The following MGAM variants were observed in gnomAD, a reference collection of about 807,000 sequenced individuals.
MGAM encodes the protein alpha-1,4-glucosidase.
In MGAM, 253 loss-of-function variants were observed where a neutral mutation model predicts 358.8. The ratio of observed to expected loss-of-function variants is 0.71; its 90% confidence interval spans 0.64 to 0.78. The LOEUF (loss-of-function observed/expected upper bound fraction) is 0.78. MGAM is among the 30% of genes least tolerant of loss of function. The pLI is 0.00. For synonymous variants in MGAM, 1,105 were observed against 1,227.1 expected, an observed-to-expected ratio of 0.90 and a Z score of 2.08; for missense variants, 3,080 against 3,432.6, an observed-to-expected ratio of 0.90 and a Z score of 2.57.
At chr7:142,093,206 T>G in intron 59 of MGAM, among the ~76,000 whole-genome samples, 1 of 146,570 alleles carries the variant, frequency 6.8e-6, no homozygotes, top group East Asian at 2.0e-4. Context: ...CACCTCTGCT[T>G]TCTTCAGTGA....
intron 1 of MGAM, among the ~76,000 whole-genome samples, chr7:142,000,603 A>G (rs1426220721): frequency 6.6e-6 from 1 of 152,202 alleles, no homozygotes; most frequent in Non-Finnish European, 1.5e-5. Context: ...CTGCCGTGTG[A>G]TGATTTTAAA....
At chr7:142,062,301 G>C (rs756122022) in intron 34 of MGAM, among the ~76,000 whole-genome samples, 3 of 152,202 alleles carry the variant, frequency 2.0e-5, no homozygotes, top group Non-Finnish European at 4.4e-5. Context: ...GAGGTCACTA[G>C]TTCGGGTCAT....
At chr7:141,987,054 C>T (rs879975056) in intron 2 of MGAM, among the ~76,000 whole-genome samples, 13 of 151,986 alleles carry the variant, frequency 8.6e-5, no homozygotes, top group Non-Finnish European at 1.3e-4. Flanking sequence ...ACAATGGAGA[C>T]GAAACACGAG....
intron 3 of MGAM, among the ~76,000 whole-genome samples, chr7:142,017,505 T>A (rs17162645): frequency 6.6e-6 from 1 of 152,216 alleles, no homozygotes; most frequent in Admixed American, 6.5e-5. Context: ...TTTGCATTCC[T>A]TGCTCTTTTG....
chr7:142,027,180 G>A lies in MGAM; in HGVS notation c.1048G>A (p.Val350Met), dbSNP rs782809881. ...CATTGGGGGCATTCTCGACTTCTAT[G>A]TGTTCTTGGGAAACACTCCAGAGCA... ...RTIGGILDFY[V>M]FLGNTPEQVV... Residue 350 changes from valine (V) to methionine (M), a missense_variant, in exon 9 of 71, where the codon GTG (valine) becomes ATG (methionine). By Grantham distance (21) the Val-to-Met change is conservative. Around this residue, in one of 5 missense-constraint regions of MGAM, gnomAD observed 1,816 missense variants for 1,840.5 expected, o/e 0.99. Coordinates refer to ENST00000475668, the MANE Select transcript of MGAM (RefSeq NM_001365693.1). 7.4e-6 allele frequency: 12 copies of A among 1,613,682 alleles called. No homozygotes were observed. The highest frequency in any genetic ancestry group is 8.5e-6 in the Non-Finnish European group (10 of 1,179,674).
chr7:142,080,210 C>G (rs1268288418), intron 49 of MGAM, among the ~76,000 whole-genome samples: 7 of 146,440 alleles, frequency 4.8e-5, no homozygotes, highest in African/African-American at 1.7e-4. Context: ...CTACATAGCT[C>G]TCCCTTAGCA....
At chr7:142,010,066 T>G (rs782621622) in intron 3 of MGAM, among the ~76,000 whole-genome samples, 3 of 152,176 alleles carry the variant, frequency 2.0e-5, no homozygotes, top group Non-Finnish European at 4.4e-5. Context: ...TCTCTGCAGA[T>G]GATTCTTGGT....
At chr7:142,067,118 C>T (rs1251999849) in intron 41 of MGAM, among the ~76,000 whole-genome samples, 1 of 145,954 alleles carries the variant, frequency 6.9e-6, no homozygotes, top group African/African-American at 2.4e-5. Flanking sequence ...TAATATTTTA[C>T]AGGAGAGAAC....
At chr7:142,011,938 C>G (rs1805631683) in intron 3 of MGAM, among the ~76,000 whole-genome samples, 1 of 152,094 alleles carries the variant, frequency 6.6e-6, no homozygotes, top group African/African-American at 2.4e-5. Flanking sequence ...ACTCAAGATG[C>G]ACATATTATA....
At chr7:142,056,967 C>G in intron 30 of MGAM, 25 bp downstream of exon 30, 3 of 1,607,640 alleles carry the variant, frequency 1.9e-6, no homozygotes, top group Non-Finnish European at 2.6e-6. Flanking sequence ...AATTGTTTAT[C>G]AAGTACTTAC....
chr7:142,005,592 T>C lies in MGAM; in HGVS notation c.62T>C (p.Leu21Pro), dbSNP rs1805088126. The change falls in exon 2 of 71, where the codon CTT becomes CCT. Residue 21 changes from leucine to proline, a missense_variant. By Grantham distance (98) the Leu-to-Pro change is moderately conservative (BLOSUM62 -3). This residue lies in a region of MGAM where 1,816 missense variants were observed against 1,840.5 expected (regional missense o/e 0.99). Transcript: ENST00000475668. Reference protein sequence around the residue: ...TLEIVLSVLLLVLFIISIVLI... With the variant: ...TLEIVLSVLLPVLFIISIVLI... The stretch of plus-strand genomic sequence containing the variant: ...GAGATTGTGCTCAGTGTTCTTCTGC[T>C]TGTGTTGTTTATCATCAGTATTGTT... The C allele has an allele frequency of 1.3e-6, 2 of 1,585,924 alleles. No homozygotes were observed. The highest frequency in any genetic ancestry group is 1.7e-6 in the Non-Finnish European group (2 of 1,166,448).
At chr7:142,033,350 T>C (rs1807684661) in intron 14 of MGAM, among the ~76,000 whole-genome samples, 1 of 152,192 alleles carries the variant, frequency 6.6e-6, no homozygotes, top group Admixed American at 6.5e-5. Context: ...ACTCATGACC[T>C]GGGAGGTCAA....
chr7:142,088,821 C>CTAT (rs201100198), intron 57 of MGAM, among the ~76,000 whole-genome samples: 1,585 of 101,950 alleles, frequency 0.016, 174 homozygotes, highest in East Asian at 0.13. Flanking sequence ...TATCTATGTA[C>CTAT]CATCTATCTA....
rs111407482 is a variant in MGAM, at chr7:142,061,312, G to A, written c.4122+939G>A. On this transcript the variant is annotated intron_variant, in intron 34 of 70. Transcript: ENST00000475668. The stretch of plus-strand genomic sequence containing the variant: ...TAATTCTCCATCCCCCACCCATCCC[G>A]TCGTTTCTAACCCTGCCTGATCTGG... 6.4e-3 allele frequency among the ~76,000 whole-genome samples: 976 copies of A among 152,102 alleles called. 8 individuals are homozygous for A. Among genetic ancestry groups the A allele is most frequent in the African/African-American group, 0.023 (940 of 41,490 alleles).
At position 142,105,780 on chromosome 7, in the gene MGAM, G is replaced by A. The variant is rs190702895; in HGVS notation, c.8185-34G>A. 4.2e-4 allele frequency: 641 copies of A among 1,543,042 alleles called. 4 individuals are homozygous for A. In the African/African-American group the frequency reaches 7.7e-3, roughly 19 times the overall value. ...TTTGCATGCAGGAAATTTCAACACCGGATGCCCAATTCTTTTCCTTTGGTT... is the reference window on the plus strand; with the variant it reads ...TTTGCATGCAGGAAATTTCAACACCAGATGCCCAATTCTTTTCCTTTGGTT... On this transcript the variant is annotated intron_variant, in intron 70 of 70. Coordinates refer to ENST00000475668, the MANE Select transcript of MGAM (RefSeq NM_001365693.1).
chr7:142,044,082 A>G (rs1226885045), intron 21 of MGAM, among the ~76,000 whole-genome samples: 2 of 142,012 alleles, frequency 1.4e-5, no homozygotes, highest in African/African-American at 5.3e-5. Context: ...AATACATTAT[A>G]TACACATACG....
intron 1 of MGAM, among the ~76,000 whole-genome samples, chr7:141,996,923 G>A (rs939531354): frequency 7.9e-5 from 12 of 152,088 alleles, no homozygotes; most frequent in Admixed American, 2.6e-4. Context: ...GGGAGTGCTC[G>A]TGGGAAGAGG....
upstream of MGAM, among the ~76,000 whole-genome samples, chr7:141,993,159 A>G (rs1169476910): frequency 6.6e-6 from 1 of 152,188 alleles, no homozygotes; most frequent in African/African-American, 2.4e-5. Flanking sequence ...TTTCCAGATG[A>G]TATACATGGT....
intron 49 of MGAM, 138 bp from the exon 50 acceptor site, chr7:142,080,653 T>C: frequency 1.2e-6 from 1 of 802,172 alleles, no homozygotes; most frequent in South Asian, 2.1e-5. Flanking sequence ...GATGTGTTAA[T>C]TAAATCTCAG....
Sources: allele counts gnomAD v4.1 joint callset (sites outside exome capture counted in the v4.1 genomes callset), GRCh38; gene constraint gnomAD v4.1.1; regional missense constraint gnomAD v4.1.1; transcripts MANE v1.5; gene names NCBI Gene and HGNC (gene_info 2026-07-23, HGNC 2026-07-21).